The following PLEKHD1 variants were observed in gnomAD, a reference collection of about 807,000 sequenced individuals.
PLEKHD1 encodes the protein pleckstrin homology and coiled-coil domain containing D1.
In PLEKHD1, 51 loss-of-function variants were observed where a neutral mutation model predicts 69.2. The observed-to-expected ratio is 0.74, with a 90% CI of 0.59 to 0.93. The LOEUF (loss-of-function observed/expected upper bound fraction) is 0.93, where lower values mean the gene tolerates loss of function less well. PLEKHD1 is among the 40% of genes least tolerant of loss of function. PLEKHD1 has a pLI of 0.00. For missense variants in PLEKHD1, 584 were observed against 641.0 expected (o/e 0.91, Z 0.96); for synonymous variants, 236 against 244.7 (o/e 0.96, Z 0.33).
At chr14:69,480,853 A>T (rs1007599283), upstream of PLEKHD1, among the ~76,000 whole-genome samples, 7 of 152,144 alleles carry the variant, frequency 4.6e-5, no homozygotes, top group African/African-American at 1.7e-4. Context: ...GAGTTTCGCC[A>T]TGTTGGCCAG....
intron 6 of PLEKHD1, among the ~76,000 whole-genome samples, chr14:69,521,039 G>A (rs1368449124): frequency 2.6e-5 from 4 of 152,246 alleles, no homozygotes; most frequent in African/African-American, 9.6e-5. Flanking sequence ...GGCTGAGGCA[G>A]GAGGATGGCT....
At chr14:69,497,297 G>A (rs1477531896) in intron 1 of PLEKHD1, among the ~76,000 whole-genome samples, 1 of 152,250 alleles carries the variant, frequency 6.6e-6, no homozygotes, top group East Asian at 1.9e-4. Flanking sequence ...AGGTCTCTCT[G>A]ATGCCAAAGC....
intron 6 of PLEKHD1, among the ~76,000 whole-genome samples, chr14:69,518,949 C>T (rs140240473): frequency 2.0e-5 from 3 of 152,110 alleles, no homozygotes; most frequent in Non-Finnish European, 4.4e-5. Context: ...TGTTCCCTAG[C>T]TCTTATTTTG....
At position 69,500,454 on chromosome 14, in the gene PLEKHD1, C is replaced by T. The variant is rs183555682; in HGVS notation, c.244-123C>T. 2.2e-4 allele frequency: 177 copies of T among 794,190 alleles called. No individual in the cohort carries two copies. The African/African-American group carries it at 2.8e-3, about 13-fold the overall frequency. 49.2% of individuals were successfully genotyped at this position (794,190 alleles called of 1,614,324 possible). A position where few individuals can be genotyped will look rare whatever the true frequency, so the allele number is the denominator to read the frequency against. On this transcript the variant is annotated intron_variant, in intron 2 of 12. Coordinates refer to ENST00000322564, the MANE Select transcript of PLEKHD1 (RefSeq NM_001161498.2). ...ATCAGTTCTGGCCTCTGTCCCATGG[C>T]CCCAGGGTCTAGCTTCCATCCTGGG...
In PLEKHD1 at chr14:69,484,833, C is replaced by A; in HGVS notation, c.-133C>A. 9.0e-7 allele frequency: 1 copy of A among 1,110,836 alleles called. No individual in the cohort carries two copies. The highest frequency in any genetic ancestry group is 1.3e-6 in the Non-Finnish European group (1 of 795,948). 68.8% of individuals were successfully genotyped at this position (1,110,836 alleles called of 1,614,324 possible). On this transcript the variant is annotated 5_prime_UTR_variant, in exon 1 of 13. Coordinates refer to ENST00000322564, the MANE Select transcript of PLEKHD1 (RefSeq NM_001161498.2). ...TGCCCAGCGCGCTTTGATGCTGCAG[C>A]TCCGGGCCGGGCCGCTCTGCTTCTC... is the stretch of plus-strand genomic sequence containing the variant.
At chr14:69,479,649 T>C in the PLEKHD1 span, among the ~76,000 whole-genome samples, 1 of 105,522 alleles carries the variant, frequency 9.5e-6, no homozygotes, top group African/African-American at 2.9e-5. Flanking sequence ...TCTAAAAAAA[T>C]AATAATAATA....
chr14:69,468,532 A>G, the PLEKHD1 span, among the ~76,000 whole-genome samples: 1 of 148,912 alleles, frequency 6.7e-6, no homozygotes, highest in Non-Finnish European at 1.5e-5. Flanking sequence ...ATCACCATAT[A>G]TTTCCTTCCT....
At chr14:69,468,961 A>G in the PLEKHD1 span, among the ~76,000 whole-genome samples, 4 of 152,390 alleles carry the variant, frequency 2.6e-5, no homozygotes, top group African/African-American at 9.6e-5. Context: ...ACTTAGGAAG[A>G]GAAATTTTAT....
At chr14:69,516,898 T>C (rs1344066646) in intron 6 of PLEKHD1, among the ~76,000 whole-genome samples, 1 of 152,210 alleles carries the variant, frequency 6.6e-6, no homozygotes, top group East Asian at 1.9e-4. Context: ...CTCGAACTCC[T>C]GAGCTCAGGC....
At chr14:69,501,920 C>T in intron 5 of PLEKHD1, 95 bp downstream of exon 5, 1 of 1,131,010 alleles carries the variant, frequency 8.8e-7, no homozygotes, top group Non-Finnish European at 1.3e-6. Context: ...GGATGAGGGT[C>T]TCTCAGGTGG....
At chr14:69,483,548 G>T (rs1390434481), upstream of PLEKHD1, among the ~76,000 whole-genome samples, 41 of 152,164 alleles carry the variant, frequency 2.7e-4, no homozygotes, top group Admixed American at 2.7e-3. Flanking sequence ...TGTTGCTTTG[G>T]GTGGGGTTAC....
intron 8 of PLEKHD1, among the ~76,000 whole-genome samples, chr14:69,524,918 G>A (rs1041681571): frequency 2.6e-5 from 4 of 152,038 alleles, no homozygotes; most frequent in African/African-American, 7.2e-5. Flanking sequence ...GCTCCAAACC[G>A]CGGAGCTCAG....
chr14:69,477,457 C>A, the PLEKHD1 span, among the ~76,000 whole-genome samples: 1 of 152,158 alleles, frequency 6.6e-6, no homozygotes, highest in Non-Finnish European at 1.5e-5. Context: ...TCCCAACAGT[C>A]CCCCAGGTCT....
chr14:69,471,698 C>A, the PLEKHD1 span, among the ~76,000 whole-genome samples: 6 of 152,136 alleles, frequency 3.9e-5, no homozygotes, highest in Non-Finnish European at 5.9e-5. Flanking sequence ...CTCAGGATGT[C>A]TCAAGTCCAG....
chr14:69,514,337 T>C (rs1883334255), intron 6 of PLEKHD1, among the ~76,000 whole-genome samples: 1 of 152,158 alleles, frequency 6.6e-6, no homozygotes, highest in Non-Finnish European at 1.5e-5. Context: ...AGATTTTTTT[T>C]CCTCGGCCAT....
At chr14:69,468,277 T>C in the PLEKHD1 span, among the ~76,000 whole-genome samples, 1 of 152,228 alleles carries the variant, frequency 6.6e-6, no homozygotes, top group Admixed American at 6.5e-5. Flanking sequence ...ATCAAAAATG[T>C]AATTACAAAT....
At chr14:69,506,351 C>A (rs1566560288) in intron 6 of PLEKHD1, among the ~76,000 whole-genome samples, 2 of 152,154 alleles carry the variant, frequency 1.3e-5, no homozygotes, top group Admixed American at 1.3e-4. Flanking sequence ...GCTTAGCAGA[C>A]AACTCAGTCT....
chr14:69,527,958 G>T (rs922143171), intron 12 of PLEKHD1, 26 bp downstream of exon 12: 1 of 1,550,764 alleles, frequency 6.4e-7, no homozygotes, highest in African/African-American at 1.4e-5. Context: ...TGCGTGCCCT[G>T]GTGGGATGGT....
At chr14:69,506,132 A>G (rs776669828) in intron 6 of PLEKHD1, among the ~76,000 whole-genome samples, 1 of 152,316 alleles carries the variant, frequency 6.6e-6, no homozygotes, top group South Asian at 2.1e-4. Flanking sequence ...TTTTTGGTGG[A>G]CATTGTTCCT....
Sources: allele counts gnomAD v4.1 joint callset (sites outside exome capture counted in the v4.1 genomes callset), GRCh38; gene constraint gnomAD v4.1.1; transcripts MANE v1.5; gene names NCBI Gene and HGNC (gene_info 2026-07-23, HGNC 2026-07-21).